Variants in HS6ST3 observed in about 807,000 individuals in gnomAD.
HS6ST3 encodes heparan-sulfate 6-O-sulfotransferase 3.
A neutral mutation model predicts 36.7 loss-of-function variants in HS6ST3; 12 were observed. The observed-to-expected ratio is 0.33, with a 90% CI of 0.21 to 0.53. The LOEUF (loss-of-function observed/expected upper bound fraction) is 0.53. HS6ST3 is among the 20% of genes least tolerant of loss of function. HS6ST3 has a pLI of 0.95. For missense variants in HS6ST3, 584 were observed against 640.9 expected, an observed-to-expected ratio of 0.91 and a Z score of 0.96; for synonymous variants, 240 against 257.5, an observed-to-expected ratio of 0.93 and a Z score of 0.65.
intron 1 of HS6ST3, among the ~76,000 whole-genome samples, chr13:96,133,237 T>G (rs1871235103): frequency 6.6e-6 from 1 of 152,164 alleles, no homozygotes; most frequent in African/African-American, 2.4e-5. Context: ...CAAGTGATTC[T>G]CCTGCGTCAG....
chr13:96,729,357 G>A (rs1876085901), intron 1 of HS6ST3, among the ~76,000 whole-genome samples: 1 of 152,144 alleles, frequency 6.6e-6, no homozygotes, highest in African/African-American at 2.4e-5. Flanking sequence ...CAGAGAGAAA[G>A]CATGGGCCAT....
rs563032107 is a variant in HS6ST3 at position 96,122,845 on chromosome 13, G to T, written c.707+31276G>T. Among the ~76,000 whole-genome samples, 3 of 152,150 alleles carry T rather than the reference G, an allele frequency of 2.0e-5. No homozygotes were observed. The East Asian group carries it at 5.8e-4, about 29-fold the overall frequency. On this transcript the variant is annotated intron_variant, in intron 1 of 1. Coordinates refer to ENST00000376705, the MANE Select transcript of HS6ST3 (RefSeq NM_153456.4). ...TCTGGGGGACAGACCTGCTCTATCC[G>T]AGAAATACAAGGACAAGCACACCTA...
At chr13:96,619,396 G>A (rs1338092814) in intron 1 of HS6ST3, among the ~76,000 whole-genome samples, 1 of 152,054 alleles carries the variant, frequency 6.6e-6, no homozygotes, top group Non-Finnish European at 1.5e-5. Context: ...ACTTTTTTCT[G>A]GTTTAATGAT....
At chr13:96,254,434 AAAAAAAAAAAAAAAATATATAT>A (rs2054623247) in intron 1 of HS6ST3, among the ~76,000 whole-genome samples, 1 of 57,156 alleles carries the variant, frequency 1.7e-5, no homozygotes, top group Non-Finnish European at 3.2e-5. Context: ...AAAAAAAAAA[AAAAAAAAAAAAAAAATATATAT>A]ATATATATAT....
intron 1 of HS6ST3, among the ~76,000 whole-genome samples, chr13:96,332,920 A>AT (rs546864142): frequency 1.2e-4 from 18 of 152,336 alleles, no homozygotes; most frequent in Non-Finnish European, 2.4e-4. Flanking sequence ...GGGCTGAAAG[A>AT]TTCCTCAGAG....
At chr13:96,612,127 A>G (rs2056459052) in intron 1 of HS6ST3, among the ~76,000 whole-genome samples, 1 of 152,102 alleles carries the variant, frequency 6.6e-6, no homozygotes, top group Non-Finnish European at 1.5e-5. Context: ...AAAGAATGGG[A>G]GAAATACTTA....
chr13:96,507,404 T>C (rs1300742525), intron 1 of HS6ST3, among the ~76,000 whole-genome samples: 1 of 152,238 alleles, frequency 6.6e-6, no homozygotes, highest in Non-Finnish European at 1.5e-5. Context: ...CAGACCCTGA[T>C]TGGGATCTCT....
chr13:96,462,997 TAAAG>T (rs546439599), intron 1 of HS6ST3, among the ~76,000 whole-genome samples: 60 of 152,142 alleles, frequency 3.9e-4, no homozygotes, highest in Non-Finnish European at 4.6e-4. Flanking sequence ...TTGAAAAAAT[TAAAG>T]AAAACCAAAA....
chr13:96,478,145 G>A (rs1286183426), intron 1 of HS6ST3, among the ~76,000 whole-genome samples: 2 of 152,174 alleles, frequency 1.3e-5, no homozygotes, highest in Non-Finnish European at 2.9e-5. Context: ...GCCTACAACA[G>A]TGGGAGCTCA....
At chr13:96,124,716 C>G (rs920220083) in intron 1 of HS6ST3, among the ~76,000 whole-genome samples, 18 of 152,254 alleles carry the variant, frequency 1.2e-4, no homozygotes, top group African/African-American at 4.3e-4. Flanking sequence ...ACATTAAGAC[C>G]TGGTTTAACT....
chr13:96,284,935 C>CTT (rs1424570054), intron 1 of HS6ST3, among the ~76,000 whole-genome samples: 6 of 139,204 alleles, frequency 4.3e-5, no homozygotes, highest in African/African-American at 1.4e-4. Context: ...TTCTTTCTTT[C>CTT]TTTCTTTCTT....
At chr13:96,379,327 C>A (rs1419161295) in intron 1 of HS6ST3, among the ~76,000 whole-genome samples, 1 of 152,152 alleles carries the variant, frequency 6.6e-6, no homozygotes, top group Non-Finnish European at 1.5e-5. Context: ...GTCATGAGGG[C>A]AGAGCCCTCC....
chr13:96,812,703 A>G (rs1271994952), intron 1 of HS6ST3, among the ~76,000 whole-genome samples: 1 of 152,142 alleles, frequency 6.6e-6, no homozygotes, highest in Non-Finnish European at 1.5e-5. Context: ...AACTGTTCCC[A>G]TTATAAAGTT....
Position 96,096,827 on chromosome 13 carries a change from C to G in HS6ST3, c.707+5258C>G, listed in dbSNP as rs1220473034. On this transcript the variant is annotated intron_variant, in intron 1 of 1. Coordinates refer to ENST00000376705, the MANE Select transcript of HS6ST3 (RefSeq NM_153456.4). Reference sequence around the variant, plus strand: ...ACAGAGCTCTGTTTCAAAGACTAGACTATTATGGCCTGTACTGCTTTCTAA... The same window carrying G: ...ACAGAGCTCTGTTTCAAAGACTAGAGTATTATGGCCTGTACTGCTTTCTAA... Among the ~76,000 whole-genome samples the G allele has an allele frequency of 2.0e-5, 3 of 152,174 alleles. No homozygotes were observed. The East Asian group carries it at 5.8e-4, about 29-fold the overall frequency.
At chr13:96,300,306 C>A (rs1017145303) in intron 1 of HS6ST3, among the ~76,000 whole-genome samples, 1 of 151,948 alleles carries the variant, frequency 6.6e-6, no homozygotes. Context: ...ATCCACCCGT[C>A]TCGGCCTCCC....
At chr13:96,812,778 AAC>A (rs57237051) in intron 1 of HS6ST3, among the ~76,000 whole-genome samples, 21 of 150,696 alleles carry the variant, frequency 1.4e-4, no homozygotes, top group African/African-American at 2.9e-4. Flanking sequence ...TTTAAAAATC[AAC>A]ACACACACAC....
rs182578083 is a variant in HS6ST3 at position 96,749,306 on chromosome 13, A to G, written c.708-83184A>G. ...TTTTCACATTTTAAGTGAAAAAAGC[A>G]TAATATGTACCATCTGTCTTGTTAT... On this transcript the variant is annotated intron_variant, in intron 1 of 1. Coordinates refer to ENST00000376705, the MANE Select transcript of HS6ST3 (RefSeq NM_153456.4). Among the ~76,000 whole-genome samples, 142 of 152,338 alleles carry G rather than the reference A, an allele frequency of 9.3e-4. 1 individual carries two copies. Among genetic ancestry groups the G allele is most frequent in the Admixed American group, 2.4e-3 (36 of 15,302 alleles).
chr13:96,419,793 A>T (rs2055553961), intron 1 of HS6ST3, among the ~76,000 whole-genome samples: 1 of 152,090 alleles, frequency 6.6e-6, no homozygotes, highest in South Asian at 2.1e-4. Context: ...TCCATCACGC[A>T]TAGTCGTCTT....
At chr13:96,722,827 A>G (rs1362617305) in intron 1 of HS6ST3, among the ~76,000 whole-genome samples, 1 of 152,150 alleles carries the variant, frequency 6.6e-6, no homozygotes, top group Non-Finnish European at 1.5e-5. Context: ...AAATACAAAA[A>G]TTAGCTGGGC....
Sources: allele counts gnomAD v4.1 joint callset (sites outside exome capture counted in the v4.1 genomes callset), GRCh38; gene constraint gnomAD v4.1.1; transcripts MANE v1.5; gene names NCBI Gene and HGNC (gene_info 2026-07-23, HGNC 2026-07-21).